Variants in NEXMIF observed in about 807,000 individuals in gnomAD.
The protein encoded by NEXMIF is XLMR protein related to neurite extension.
A neutral mutation model predicts 62.1 loss-of-function variants in NEXMIF; 8 were observed. The ratio of observed to expected loss-of-function variants is 0.13; its 90% CI spans 0.08 to 0.23. The LOEUF is 0.23. NEXMIF is among the 10% of genes least tolerant of loss of function. The pLI, the probability that NEXMIF is intolerant of heterozygous loss-of-function variation, is 1.00. For synonymous variants in NEXMIF, 404 were observed against 416.6 expected, an observed-to-expected ratio of 0.97 and a Z score of 0.37; for missense variants, 976 against 1,113.3, an observed-to-expected ratio of 0.88 and a Z score of 1.75.
chrX:74,887,511 G>C (rs2080700049), intron 1 of NEXMIF, among the ~76,000 whole-genome samples: 1 of 112,265 alleles, frequency 8.9e-6, no homozygotes, highest in Non-Finnish European at 1.9e-5. Flanking sequence ...CTTCTCAAAA[G>C]AAGACATTTA....
chrX:74,846,837 C>T (rs2080493432), intron 1 of NEXMIF, among the ~76,000 whole-genome samples: 1 of 112,038 alleles, frequency 8.9e-6, no homozygotes, highest in South Asian at 3.7e-4. Flanking sequence ...AAACAATGTA[C>T]TAGTGTGTCT....
chrX:74,847,103 A>G (rs1380064838), intron 1 of NEXMIF, among the ~76,000 whole-genome samples: 1 of 112,353 alleles, frequency 8.9e-6, no homozygotes, highest in African/African-American at 3.2e-5. Flanking sequence ...CTGAAAACAC[A>G]AAGTCATTTT....
chrX:74,866,027 G>T (rs1226124156), intron 1 of NEXMIF, among the ~76,000 whole-genome samples: 6 of 111,568 alleles, frequency 5.4e-5, no homozygotes, highest in Non-Finnish European at 9.4e-5. Flanking sequence ...GGAGCTGTGA[G>T]AAGAGGGCCA....
chrX:74,872,263 G>C (rs1381685552), intron 1 of NEXMIF, among the ~76,000 whole-genome samples: 1 of 111,187 alleles, frequency 9.0e-6, no homozygotes, highest in African/African-American at 3.3e-5. Flanking sequence ...ATGAGATCCT[G>C]TCATTTGCAA....
At position 74,737,902 on chromosome X, in the gene NEXMIF, A is replaced by G. The variant is rs2147437566; in HGVS notation, c.*1503T>C. 1 of 111,451 alleles carries G rather than the reference A, an allele frequency of 9.0e-6. No homozygotes were observed. The highest frequency in any genetic ancestry group is 3.8e-4 in the South Asian group (1 of 2,627). The allele number at this position is 111,451 out of a possible 1,213,427, so 9.2% of individuals were successfully genotyped here. A position where few individuals can be genotyped will look rare whatever the true frequency, so the allele number is the denominator to read the frequency against. On this transcript the variant is annotated 3_prime_UTR_variant, in exon 4 of 4. Transcript: ENST00000055682. ...TAATAAGAATAGTAACAACGACAAC[A>G]ACTAACAATATTAATAATATTAATC...
chrX:74,767,846 A>T (rs1270595750), intron 1 of NEXMIF, among the ~76,000 whole-genome samples: 1 of 112,325 alleles, frequency 8.9e-6, no homozygotes. Context: ...TAACACTGCT[A>T]TTGGTGGCTG....
intron 1 of NEXMIF, among the ~76,000 whole-genome samples, chrX:74,799,362 G>A (rs1337376963): frequency 3.6e-5 from 4 of 111,243 alleles, no homozygotes; most frequent in African/African-American, 1.3e-4. Context: ...AGAATAGGGA[G>A]CTTATGATCC....
At chrX:74,835,850 G>A (rs2147486703) in intron 1 of NEXMIF, among the ~76,000 whole-genome samples, 1 of 111,760 alleles carries the variant, frequency 8.9e-6, no homozygotes, top group African/African-American at 3.2e-5. Flanking sequence ...TTCCCTTCAG[G>A]GTGACAAGTT....
chrX:74,895,797 G>C (rs904955391), intron 1 of NEXMIF, among the ~76,000 whole-genome samples: 1 of 108,108 alleles, frequency 9.3e-6, no homozygotes, highest in South Asian at 4.2e-4. Context: ...GGAAGGGTAG[G>C]GGGTAGGGGT....
At chrX:74,804,292 C>A (rs1025018036) in intron 1 of NEXMIF, among the ~76,000 whole-genome samples, 1 of 112,264 alleles carries the variant, frequency 8.9e-6, no homozygotes, top group South Asian at 3.7e-4. Flanking sequence ...AGGTGCAAGA[C>A]AAAGTCTGCA....
At chrX:74,749,285 G>T (rs985333744) in intron 1 of NEXMIF, among the ~76,000 whole-genome samples, 1 of 110,726 alleles carries the variant, frequency 9.0e-6, no homozygotes, top group African/African-American at 3.3e-5. Flanking sequence ...GAAGTTCAGC[G>T]GAGAGAAAAG....
chrX:74,913,495 TA>T (rs1402673791), intron 1 of NEXMIF, among the ~76,000 whole-genome samples: 6 of 111,117 alleles, frequency 5.4e-5, no homozygotes, highest in Non-Finnish European at 9.4e-5. Flanking sequence ...TTTGAAGGAA[TA>T]ATACTTGAAA....
chrX:74,805,283 T>G (rs1602234754), intron 1 of NEXMIF, among the ~76,000 whole-genome samples: 1 of 112,183 alleles, frequency 8.9e-6, no homozygotes, highest in African/African-American at 3.2e-5. Context: ...TTGGTGTCCT[T>G]GTGGTGGGGA....
intron 1 of NEXMIF, among the ~76,000 whole-genome samples, chrX:74,791,939 G>T (rs187047908): frequency 2.7e-5 from 3 of 111,240 alleles, no homozygotes. Flanking sequence ...TGGATTCACT[G>T]ATTTTTTTGA....
At chrX:74,871,192 G>A (rs1400365987) in intron 1 of NEXMIF, among the ~76,000 whole-genome samples, 1 of 111,219 alleles carries the variant, frequency 9.0e-6, no homozygotes, top group Non-Finnish European at 1.9e-5. Flanking sequence ...AACAAAAAGA[G>A]TACAAAGAGA....
Position 74,733,677 on chromosome X carries a change from C to T in NEXMIF, c.*5728G>A, listed in dbSNP as rs1257141512. 1 of 112,271 alleles carries T rather than the reference C, an allele frequency of 8.9e-6. No homozygotes were observed. The highest frequency in any genetic ancestry group is 9.5e-5 in the Admixed American group (1 of 10,478). 9.3% of individuals were successfully genotyped at this position (112,271 alleles called of 1,213,427 possible). A position where few individuals can be genotyped will look rare whatever the true frequency, so the allele number is the denominator to read the frequency against. ...TTCAGTCACAAATATTTGAAACCTT[C>T]GCAACAAGAACAACAAAACCAGAAG... On this transcript the variant is annotated 3_prime_UTR_variant, in exon 4 of 4. Coordinates refer to ENST00000055682, the MANE Select transcript of NEXMIF (RefSeq NM_001008537.3).
chrX:74,855,594 C>G (rs760283931), intron 1 of NEXMIF, among the ~76,000 whole-genome samples: 1 of 111,712 alleles, frequency 9.0e-6, no homozygotes, highest in African/African-American at 3.3e-5. Context: ...TGTTGTTGCT[C>G]GAGGCTGGGT....
chrX:74,850,515 T>G (rs967939539), intron 1 of NEXMIF, among the ~76,000 whole-genome samples: 5 of 111,741 alleles, frequency 4.5e-5, no homozygotes, highest in African/African-American at 1.3e-4. Context: ...CCTGATGACA[T>G]TCCTACCTGG....
intron 1 of NEXMIF, among the ~76,000 whole-genome samples, chrX:74,756,429 C>CTT (rs2080159595): frequency 9.0e-6 from 1 of 111,231 alleles, no homozygotes; most frequent in South Asian, 3.8e-4. Context: ...ACCCAGGAAC[C>CTT]CAAACACACG....
Sources: allele counts gnomAD v4.1 joint callset (sites outside exome capture counted in the v4.1 genomes callset), GRCh38; gene constraint gnomAD v4.1.1; transcripts MANE v1.5; gene names NCBI Gene and HGNC (gene_info 2026-07-23, HGNC 2026-07-21).